Variants in CSMD1 observed in about 807,000 individuals in gnomAD.
The protein encoded by CSMD1 is CUB and sushi domain-containing protein 1.
Under a neutral mutation model 417.5 loss-of-function variants are expected in CSMD1, and 213 were observed. That is an observed-to-expected ratio of 0.51 (90% CI 0.46 to 0.57). CSMD1 has a LOEUF of 0.57. CSMD1 is among the 20% of genes least tolerant of loss of function. The probability of loss-of-function intolerance (pLI) is 0.00; values close to 1 mark genes in which losing one functional copy is unlikely to be tolerated. For synonymous variants in CSMD1, 2,862 were observed against 1,736.8 expected (o/e 1.65, Z -16.11); for missense variants, 6,923 against 4,529.7 (o/e 1.53, Z -15.17).
chr8:4,270,628 A>C (rs141556920), intron 3 of CSMD1, among the ~76,000 whole-genome samples: 7 of 152,320 alleles, frequency 4.6e-5, no homozygotes, highest in Admixed American at 4.6e-4. Context: ...TGATAGAATT[A>C]AACCTGCCCC....
At chr8:4,591,511 C>G (rs1799981842) in intron 2 of CSMD1, among the ~76,000 whole-genome samples, 1 of 152,140 alleles carries the variant, frequency 6.6e-6, no homozygotes, top group African/African-American at 2.4e-5. Flanking sequence ...AGGGAAGTCA[C>G]TGTGGTATAG....
At chr8:4,406,665 C>A (rs768941621) in intron 3 of CSMD1, among the ~76,000 whole-genome samples, 1 of 152,240 alleles carries the variant, frequency 6.6e-6, no homozygotes, top group Admixed American at 6.5e-5. Flanking sequence ...CTCCTCCTGG[C>A]CATGCCTTAC....
At chr8:4,474,408 A>C (rs1326963005) in intron 2 of CSMD1, among the ~76,000 whole-genome samples, 2 of 152,234 alleles carry the variant, frequency 1.3e-5, no homozygotes, top group Admixed American at 6.5e-5. Flanking sequence ...AATTGGTCTA[A>C]GAAAGGCAGA....
chr8:3,490,962 G>C (rs950449779), intron 11 of CSMD1, among the ~76,000 whole-genome samples: 6 of 152,066 alleles, frequency 3.9e-5, no homozygotes, highest in African/African-American at 1.2e-4. Context: ...GTTCCACTGA[G>C]GTTTATATAA....
At chr8:4,162,739 A>C (rs1428729060) in intron 3 of CSMD1, among the ~76,000 whole-genome samples, 1 of 152,136 alleles carries the variant, frequency 6.6e-6, no homozygotes, top group Non-Finnish European at 1.5e-5. Context: ...ATGAACTTAC[A>C]TTGGTAAGTC....
chr8:4,917,854 C>CT (rs1245335500), intron 1 of CSMD1, among the ~76,000 whole-genome samples: 1 of 152,072 alleles, frequency 6.6e-6, no homozygotes, highest in Non-Finnish European at 1.5e-5. Flanking sequence ...TTTCCAAAGA[C>CT]TGTAACATTT....
intron 5 of CSMD1, among the ~76,000 whole-genome samples, chr8:3,936,061 T>C (rs1222739591): frequency 1.3e-5 from 2 of 151,684 alleles, no homozygotes; most frequent in Admixed American, 6.6e-5. Flanking sequence ...GTGTCCTGGG[T>C]AAAAGACCAA....
At chr8:3,505,845 C>T (rs965659479) in intron 10 of CSMD1, among the ~76,000 whole-genome samples, 8 of 152,012 alleles carry the variant, frequency 5.3e-5, no homozygotes, top group Non-Finnish European at 8.8e-5. Flanking sequence ...TCCTTATCAC[C>T]AACTTGGCTG....
intron 3 of CSMD1, among the ~76,000 whole-genome samples, chr8:4,178,840 G>C (rs1017369719): frequency 7.2e-5 from 11 of 152,092 alleles, no homozygotes; most frequent in African/African-American, 2.4e-4. Context: ...CCTTCAAAGA[G>C]AATAAAATAC....
At chr8:3,271,231 T>A (rs1210877111) in intron 26 of CSMD1, among the ~76,000 whole-genome samples, 9 of 152,006 alleles carry the variant, frequency 5.9e-5, no homozygotes, top group South Asian at 4.2e-4. Flanking sequence ...TTCCAATTTC[T>A]TCCATGTCCC....
At chr8:4,713,058 G>C (rs536469328) in intron 1 of CSMD1, among the ~76,000 whole-genome samples, 9 of 152,180 alleles carry the variant, frequency 5.9e-5, no homozygotes, top group Non-Finnish European at 1.3e-4. Context: ...AAGGTCTTCT[G>C]CCAGAATCGG....
intron 1 of CSMD1, among the ~76,000 whole-genome samples, chr8:4,911,176 G>C (rs1204569741): frequency 6.6e-6 from 1 of 152,150 alleles, no homozygotes; most frequent in African/African-American, 2.4e-5. Flanking sequence ...GTGTGAAAAT[G>C]GACTAATACC....
At chr8:3,920,814 G>A (rs1563212786) in intron 5 of CSMD1, among the ~76,000 whole-genome samples, 1 of 152,066 alleles carries the variant, frequency 6.6e-6, no homozygotes, top group Non-Finnish European at 1.5e-5. Flanking sequence ...GCATCCCAGC[G>A]ATAAATCTCA....
At chr8:4,316,210 A>T (rs1416747866) in intron 3 of CSMD1, among the ~76,000 whole-genome samples, 3 of 152,174 alleles carry the variant, frequency 2.0e-5, no homozygotes, top group Admixed American at 6.6e-5. Context: ...CCATATTCTA[A>T]AATTTTATGA....
chr8:4,956,265 G>C (rs948351665), intron 1 of CSMD1, among the ~76,000 whole-genome samples: 1 of 150,622 alleles, frequency 6.6e-6, no homozygotes. Context: ...TTAATTTAAA[G>C]TGACAGACCT....
At chr8:4,453,625 G>A (rs1421545034) in intron 2 of CSMD1, among the ~76,000 whole-genome samples, 2 of 152,040 alleles carry the variant, frequency 1.3e-5, no homozygotes. Flanking sequence ...GCTGAGAAAT[G>A]TATAGAACTG....
chr8:3,565,752 CGTGTA>C (rs1008771758), intron 10 of CSMD1, among the ~76,000 whole-genome samples: 216 of 152,204 alleles, frequency 1.4e-3, no homozygotes, highest in African/African-American at 5.0e-3. Context: ...CATTAAGAAA[CGTGTA>C]GTGTAAAAAC....
intron 8 of CSMD1, among the ~76,000 whole-genome samples, chr8:3,597,560 G>A (rs1434889036): frequency 1.3e-5 from 2 of 152,156 alleles, no homozygotes; most frequent in Non-Finnish European, 2.9e-5. Context: ...CTGAGGCCAA[G>A]AATTGTCATT....
intron 51 of CSMD1, among the ~76,000 whole-genome samples, chr8:3,022,563 A>C (rs1053687347): frequency 2.6e-5 from 4 of 152,200 alleles, no homozygotes; most frequent in African/African-American, 9.7e-5. Flanking sequence ...TTGTATTGTG[A>C]CATATCAGTT....
Sources: gnomAD v4.1 joint callset for allele counts (sites outside exome capture counted in the v4.1 genomes callset) on GRCh38, gnomAD v4.1.1 for gene constraint, MANE v1.5 for transcripts, NCBI Gene and HGNC (gene_info 2026-07-23, HGNC 2026-07-21) for gene names.